The following SRFBP1 variants were observed in gnomAD, a reference collection of about 807,000 sequenced individuals.
SRFBP1 encodes serum response factor binding protein 1.
SRFBP1 carries 47 observed loss-of-function variants against 45.5 expected under a neutral mutation model. The observed-to-expected ratio is 1.03, with a 90% CI of 0.82 to 1.32. SRFBP1 has a LOEUF of 1.32. SRFBP1 is among the 40% of genes most tolerant of loss of function. The pLI is 0.00. For missense variants in SRFBP1, 621 were observed against 484.6 expected, an observed-to-expected ratio of 1.28 and a Z score of -2.64; for synonymous variants, 203 against 166.3, an observed-to-expected ratio of 1.22 and a Z score of -1.70.
At chr5:122,004,174 T>C (rs1752934365) in intron 4 of SRFBP1, among the ~76,000 whole-genome samples, 1 of 152,150 alleles carries the variant, frequency 6.6e-6, no homozygotes, top group Non-Finnish European at 1.5e-5. Context: ...GTTTCTTGGG[T>C]TCCTTTAATA....
chr5:122,002,873 C>A (rs981932280), intron 4 of SRFBP1, among the ~76,000 whole-genome samples: 2 of 152,110 alleles, frequency 1.3e-5, no homozygotes, highest in African/African-American at 4.8e-5. Context: ...AGAAAAAAAG[C>A]ACTCTGATGC....
At chr5:121,989,293 C>A (rs2112668843) in intron 3 of SRFBP1, among the ~76,000 whole-genome samples, 1 of 152,172 alleles carries the variant, frequency 6.6e-6, no homozygotes, top group African/African-American at 2.4e-5. Flanking sequence ...GTCTCGATCT[C>A]CTGACATCGT....
At chr5:122,039,198 T>C (rs1753736383) in intron 2 of SRFBP1, among the ~76,000 whole-genome samples, 1 of 152,154 alleles carries the variant, frequency 6.6e-6, no homozygotes. Context: ...TTGTCCTTAC[T>C]CATCCTAATA....
At position 122,034,235 on chromosome 5, in the gene SRFBP1, C is replaced by A. The variant is rs745748607; in HGVS notation, n.311+11828C>A. Among the ~76,000 whole-genome samples, 37 of 152,246 alleles carry A rather than the reference C, an allele frequency of 2.4e-4. No homozygotes were observed. The South Asian group carries it at 6.6e-3, about 27-fold the overall frequency. ...TTTTCCATTTAATAAGTGAAGTAAG[C>A]CCTTTCACATGTGTTAAGATGAATA... On this transcript the variant is annotated intron_variant and non_coding_transcript_variant, in intron 2 of 2. Coordinates refer to the SRFBP1 transcript ENST00000504881.
chr5:122,017,136 G>GGAGAATCGCTT (rs1038152954), intron 4 of SRFBP1, among the ~76,000 whole-genome samples: 3 of 152,186 alleles, frequency 2.0e-5, no homozygotes, highest in Admixed American at 2.0e-4. Flanking sequence ...GGCTGAGACA[G>GGAGAATCGCTT]GAGAATCGCT....
chr5:122,020,373 T>C lies in SRFBP1; in HGVS notation c.638T>C (p.Val213Ala), dbSNP rs771386635. Residue 213 changes from valine (V) to alanine (A), a missense_variant, in exon 6 of 8, where the codon GTA becomes GCA. Val to Ala is a moderately conservative substitution (Grantham distance 64, BLOSUM62 0). Coordinates refer to ENST00000339397, the MANE Select transcript of SRFBP1 (RefSeq NM_152546.3). ...SPSKPSEKDS[V>A]VSLESQKTPA... The stretch of plus-strand genomic sequence containing the variant: ...TCAAAGCCTTCAGAAAAGGATTCTG[T>C]AGTTTCCCTTGAGTCCCAGAAGACA... 5.0e-6 allele frequency: 8 copies of C among 1,614,122 alleles called. No individual in the cohort carries two copies. Among genetic ancestry groups the C allele is most frequent in the Non-Finnish European group, 6.8e-6 (8 of 1,180,004 alleles).
chr5:122,047,437 T>G (rs1338977380), intron 2 of SRFBP1, among the ~76,000 whole-genome samples: 1 of 152,218 alleles, frequency 6.6e-6, no homozygotes, highest in African/African-American at 2.4e-5. Context: ...CCATGCTGTT[T>G]TGGTTGCTGT....
At chr5:122,047,164 G>T (rs973818536) in intron 2 of SRFBP1, among the ~76,000 whole-genome samples, 1 of 152,120 alleles carries the variant, frequency 6.6e-6, no homozygotes, top group Non-Finnish European at 1.5e-5. Context: ...CTCTTCTAGG[G>T]TTTTTATGGT....
At chr5:122,018,527 A>G (rs1753231990) in intron 4 of SRFBP1, among the ~76,000 whole-genome samples, 1 of 152,214 alleles carries the variant, frequency 6.6e-6, no homozygotes, top group South Asian at 2.1e-4. Flanking sequence ...GAAAAGCTAC[A>G]GGAGAAGCAG....
At chr5:122,031,290 T>C (rs79962012), downstream of SRFBP1, among the ~76,000 whole-genome samples, 1,725 of 152,270 alleles carry the variant, frequency 0.011, 14 homozygotes, top group Middle Eastern at 0.041. Flanking sequence ...AAAGGGAGTC[T>C]GATATACAGA....
intron 4 of SRFBP1, among the ~76,000 whole-genome samples, chr5:122,008,749 T>A (rs1753028089): frequency 6.6e-6 from 1 of 152,184 alleles, no homozygotes; most frequent in African/African-American, 2.4e-5. Flanking sequence ...CTTGCTGACA[T>A]CTATCCCTAT....
At chr5:122,062,617 T>A (rs947026976) in intron 2 of SRFBP1, among the ~76,000 whole-genome samples, 25 of 152,028 alleles carry the variant, frequency 1.6e-4, no homozygotes, top group Non-Finnish European at 2.9e-4. Context: ...ATCACTGATA[T>A]TCTACAACTC....
intron 4 of SRFBP1, among the ~76,000 whole-genome samples, chr5:122,000,250 T>A (rs1039286130): frequency 2.0e-5 from 3 of 152,146 alleles, no homozygotes; most frequent in African/African-American, 7.2e-5. Flanking sequence ...GCCATTGTTG[T>A]TAAACATTTT....
chr5:122,027,068 A>AT lies in SRFBP1; in HGVS notation c.1232_1233insT (p.Lys411AsnfsTer6), dbSNP rs1228065321. ...TCATGGGAAGCAAGCAGAAGGCGAA[A>AT]AGAACAGCAATCTAATATTGCTGTG... On this transcript the variant is annotated frameshift_variant, in exon 8 of 8. Coordinates refer to ENST00000339397, the MANE Select transcript of SRFBP1 (RefSeq NM_152546.3). LOFTEE classifies it high-confidence loss of function. The AT allele has an allele frequency of 1.2e-5, 20 of 1,612,976 alleles. No individual in the cohort carries two copies. The highest frequency in any genetic ancestry group is 1.7e-5 in the Non-Finnish European group (20 of 1,179,734).
intron 2 of SRFBP1, among the ~76,000 whole-genome samples, chr5:122,051,729 A>C (rs924015261): frequency 2.0e-5 from 3 of 151,734 alleles, no homozygotes; most frequent in African/African-American, 7.3e-5. Context: ...ATGCCTTTTA[A>C]TTGGGGCATT....
In SRFBP1 at chr5:121,964,543, A is replaced by C. The variant is rs184197296; in HGVS notation, c.36+2475A>C. Among the ~76,000 whole-genome samples, 710 of 152,272 alleles carry C rather than the reference A, an allele frequency of 4.7e-3. 6 individuals carry two copies. The highest frequency in any genetic ancestry group is 0.016 in the African/African-American group (669 of 41,542). ...TGAACTCATCATTTTTTATGGCTGC[A>C]TAGTATTCCATGGTGTATATGTGCC... On this transcript the variant is annotated intron_variant, in intron 1 of 7. Transcript: ENST00000339397.
At chr5:121,970,652 A>C (rs1752169730) in intron 1 of SRFBP1, among the ~76,000 whole-genome samples, 1 of 151,986 alleles carries the variant, frequency 6.6e-6, no homozygotes, top group African/African-American at 2.4e-5. Context: ...CTTATCTAGC[A>C]GGAAAGAAAC....
At chr5:122,067,412 C>G (rs1295436094) in intron 2 of SRFBP1, among the ~76,000 whole-genome samples, 1 of 152,048 alleles carries the variant, frequency 6.6e-6, no homozygotes, top group Non-Finnish European at 1.5e-5. Context: ...GGTACATTAA[C>G]AGCACATACC....
chr5:122,046,529 C>A (rs566120209), intron 2 of SRFBP1, among the ~76,000 whole-genome samples: 259 of 152,258 alleles, frequency 1.7e-3, no homozygotes, highest in Non-Finnish European at 1.1e-3. Flanking sequence ...GTCTTTATAG[C>A]AGCATGATTT....
Sources: gnomAD v4.1 joint callset for allele counts (sites outside exome capture counted in the v4.1 genomes callset) on GRCh38, gnomAD v4.1.1 for gene constraint, MANE v1.5 for transcripts, NCBI Gene and HGNC (gene_info 2026-07-23, HGNC 2026-07-21) for gene names.